Variants in CEP85L observed in about 807,000 individuals in gnomAD.
CEP85L encodes the protein centrosomal protein 85L.
CEP85L carries 60 observed loss-of-function variants against 100.3 expected under a neutral mutation model. The observed-to-expected ratio is 0.60, with a 90% confidence interval of 0.49 to 0.74. The LOEUF is 0.74. Among genes scored for constraint, CEP85L ranks in the 30% least tolerant of loss-of-function variants. CEP85L has a pLI of 0.00. For synonymous variants in CEP85L, 319 were observed against 322.7 expected (o/e 0.99, Z 0.12); for missense variants, 973 against 936.2 (o/e 1.04, Z -0.51).
At chr6:118,626,048 G>C (rs1279630945) in intron 2 of CEP85L, among the ~76,000 whole-genome samples, 2 of 152,152 alleles carry the variant, frequency 1.3e-5, no homozygotes, top group South Asian at 2.1e-4. Context: ...GAAGTAGCTA[G>C]AGCAGTCATC....
intron 1 of CEP85L, among the ~76,000 whole-genome samples, chr6:118,700,947 G>A (rs1777384436): frequency 6.6e-6 from 1 of 152,132 alleles, no homozygotes; most frequent in African/African-American, 2.4e-5. Flanking sequence ...CTCTTGTTCT[G>A]CTCTCTGGGA....
intron 2 of CEP85L, among the ~76,000 whole-genome samples, chr6:118,589,931 A>G (rs1268236264): frequency 6.6e-6 from 1 of 152,198 alleles, no homozygotes; most frequent in Non-Finnish European, 1.5e-5. Context: ...CACCTACCTC[A>G]GAAAACAAGT....
rs151046827 is a variant in CEP85L, at chr6:118,573,547, T to A, written c.233-7231A>T. ...AATGCATACAACAATAAAAACAATATCTAACATGTGGTTAAAAGTAAAAAT... is the reference window on the plus strand; with the variant it reads ...AATGCATACAACAATAAAAACAATAACTAACATGTGGTTAAAAGTAAAAAT... On this transcript the variant is annotated intron_variant, in intron 2 of 12. Coordinates refer to ENST00000368491, the MANE Select transcript of CEP85L (RefSeq NM_001042475.3). Among the ~76,000 whole-genome samples, 299 of 152,170 alleles carry A rather than the reference T, an allele frequency of 2.0e-3. 1 individual carries two copies. The highest frequency in any genetic ancestry group is 6.8e-3 in the African/African-American group (283 of 41,518).
At chr6:118,659,341 C>G (rs1249954701) in intron 1 of CEP85L, among the ~76,000 whole-genome samples, 2 of 152,098 alleles carry the variant, frequency 1.3e-5, no homozygotes, top group African/African-American at 4.8e-5. Context: ...TCTATATTCT[C>G]TAATTGAGAC....
chr6:118,554,841 G>A (rs1778759238), intron 3 of CEP85L, among the ~76,000 whole-genome samples: 1 of 152,098 alleles, frequency 6.6e-6, no homozygotes, highest in African/African-American at 2.4e-5. Flanking sequence ...AACAACATGT[G>A]CAAAGAACAA....
intron 5 of CEP85L, among the ~76,000 whole-genome samples, chr6:118,497,217 A>G (rs757125715): frequency 1.3e-5 from 2 of 152,214 alleles, no homozygotes; most frequent in Non-Finnish European, 2.9e-5. Context: ...GTCTCCATAC[A>G]TTTTGGATTA....
chr6:118,695,096 T>C (rs953702546), intron 1 of CEP85L, among the ~76,000 whole-genome samples: 1 of 152,212 alleles, frequency 6.6e-6, no homozygotes, highest in Non-Finnish European at 1.5e-5. Context: ...TTACTCTCTA[T>C]AGACGTGATC....
chr6:118,476,738 C>T lies in CEP85L; in HGVS notation c.1914+3133G>A, dbSNP rs974329622. 6.6e-5 allele frequency among the ~76,000 whole-genome samples: 10 copies of T among 152,136 alleles called. 1 individual carries two copies. Among genetic ancestry groups the T allele is most frequent in the Non-Finnish European group, 4.4e-5 (3 of 68,014 alleles). On this transcript the variant is annotated intron_variant, in intron 10 of 12. Transcript: ENST00000368491. ...GTTTTGAGACTGGTGGTTCCAACCA[C>T]GGCCAAGTAAACAGTCTTAATGTCC...
At chr6:118,605,716 TA>T (rs59500603) in intron 2 of CEP85L, among the ~76,000 whole-genome samples, 15,389 of 152,042 alleles carry the variant, frequency 0.1, 933 homozygotes, top group African/African-American at 0.16. Context: ...ATGTGTGCAT[TA>T]AGAGTGGAAA....
chr6:118,490,899 ACAC>A (rs1774510658), intron 6 of CEP85L, among the ~76,000 whole-genome samples: 1 of 152,162 alleles, frequency 6.6e-6, no homozygotes, highest in African/African-American at 2.4e-5. Flanking sequence ...AAGCACACAC[ACAC>A]CACATTTTCT....
chr6:118,699,857 G>C (rs1357635127), intron 1 of CEP85L, among the ~76,000 whole-genome samples: 1 of 152,150 alleles, frequency 6.6e-6, no homozygotes, highest in Non-Finnish European at 1.5e-5. Context: ...ACCACGCCCA[G>C]CTAATTTTTG....
At chr6:118,630,320 T>C (rs1233424346) in intron 2 of CEP85L, among the ~76,000 whole-genome samples, 2 of 152,180 alleles carry the variant, frequency 1.3e-5, no homozygotes, top group Non-Finnish European at 2.9e-5. Context: ...TGCCTGGAAA[T>C]GCCTCTCAAT....
chr6:118,596,882 T>C (rs1781482533), intron 2 of CEP85L, among the ~76,000 whole-genome samples: 1 of 152,198 alleles, frequency 6.6e-6, no homozygotes, highest in Non-Finnish European at 1.5e-5. Context: ...CCCTTTGATA[T>C]GGTTTGGCTG....
chr6:118,702,127 G>C (rs1777431786), intron 1 of CEP85L, among the ~76,000 whole-genome samples: 1 of 151,904 alleles, frequency 6.6e-6, no homozygotes, highest in Non-Finnish European at 1.5e-5. Context: ...TTACTTTATG[G>C]TGGAAATTCT....
rs531009224 is a variant in CEP85L, at chr6:118,531,485, T to A, written c.1021-7565A>T. Among the ~76,000 whole-genome samples the A allele has an allele frequency of 3.3e-5, 5 of 152,002 alleles. No individual in the cohort carries two copies. The South Asian group carries it at 1.0e-3, about 32-fold the overall frequency. On this transcript the variant is annotated intron_variant, in intron 3 of 12. Coordinates refer to ENST00000368491, the MANE Select transcript of CEP85L (RefSeq NM_001042475.3). The stretch of plus-strand genomic sequence containing the variant: ...TTCATGATGAAGACTCCAAAAGCAA[T>A]CACAACAAAACCAAAAGTTGACAAA...
chr6:118,553,021 T>TA (rs1562253886), intron 3 of CEP85L, among the ~76,000 whole-genome samples: 1 of 152,072 alleles, frequency 6.6e-6, no homozygotes, highest in Non-Finnish European at 1.5e-5. Flanking sequence ...ATTCTTTTAA[T>TA]AAAAGGGTGG....
chr6:118,583,417 G>A (rs930330337), intron 2 of CEP85L, among the ~76,000 whole-genome samples: 1 of 152,168 alleles, frequency 6.6e-6, no homozygotes, highest in Non-Finnish European at 1.5e-5. Context: ...AACCCCTTTT[G>A]CAGATGGGGA....
At chr6:118,570,518 T>C (rs1779826204) in intron 2 of CEP85L, among the ~76,000 whole-genome samples, 1 of 152,192 alleles carries the variant, frequency 6.6e-6, no homozygotes, top group Non-Finnish European at 1.5e-5. Flanking sequence ...CTAGTGTTTA[T>C]TCCCTAAATC....
intron 1 of CEP85L, among the ~76,000 whole-genome samples, chr6:118,663,973 G>A (rs1442280597): frequency 1.3e-5 from 2 of 149,480 alleles, no homozygotes; most frequent in South Asian, 4.3e-4. Context: ...CACCCAGGCT[G>A]GAGTGTTGAC....
Sources: allele counts gnomAD v4.1 joint callset (sites outside exome capture counted in the v4.1 genomes callset), GRCh38; gene constraint gnomAD v4.1.1; transcripts MANE v1.5; gene names NCBI Gene and HGNC (gene_info 2026-07-23, HGNC 2026-07-21).